The following TNRC6B variants were observed in gnomAD, a reference collection of about 807,000 sequenced individuals.
TNRC6B encodes trinucleotide repeat-containing gene 6B protein.
Under a neutral mutation model 203.6 loss-of-function variants are expected in TNRC6B, and 52 were observed. That is an observed-to-expected ratio of 0.26 (90% confidence interval 0.20 to 0.32). TNRC6B has a LOEUF of 0.32. Ranked by LOEUF, TNRC6B falls within the 10% of genes least tolerant of loss-of-function variation. TNRC6B has a pLI of 1.00. For synonymous variants in TNRC6B, 838 were observed against 845.7 expected (o/e 0.99, Z 0.16); for missense variants, 1,923 against 2,286.2 (o/e 0.84, Z 3.24).
chr22:40,173,169 T>C (rs2069018932), upstream of TNRC6B, among the ~76,000 whole-genome samples: 1 of 152,126 alleles, frequency 6.6e-6, no homozygotes, highest in Admixed American at 6.5e-5. Context: ...TGATCTCCGC[T>C]CACTGCAACC....
chr22:40,094,225 G>A (rs1204956726), intron 1 of TNRC6B, among the ~76,000 whole-genome samples: 1 of 152,084 alleles, frequency 6.6e-6, no homozygotes, highest in Non-Finnish European at 1.5e-5. Flanking sequence ...GTAAATGTTA[G>A]GGATTGCTGT....
chr22:40,269,466 A>G (rs1047872450), intron 5 of TNRC6B, among the ~76,000 whole-genome samples: 6 of 152,094 alleles, frequency 3.9e-5, no homozygotes, highest in African/African-American at 9.7e-5. Context: ...GTGACCCACA[A>G]TTGGTCTAAC....
At chr22:40,264,658 C>G in intron 4 of TNRC6B, 30 bp from the exon 5 acceptor site, 1 of 1,542,362 alleles carries the variant, frequency 6.5e-7, no homozygotes, top group Non-Finnish European at 8.7e-7. Flanking sequence ...GCATTTGAAG[C>G]TGTGATTAAT....
At chr22:40,301,647 G>A (rs756394854) in intron 15 of TNRC6B, among the ~76,000 whole-genome samples, 5 of 152,074 alleles carry the variant, frequency 3.3e-5, no homozygotes, top group Non-Finnish European at 7.4e-5. Flanking sequence ...ACATGCTATA[G>A]CACATATCAG....
chr22:40,135,448 T>C (rs1191780459), intron 3 of TNRC6B, among the ~76,000 whole-genome samples: 1 of 152,136 alleles, frequency 6.6e-6, no homozygotes, highest in Non-Finnish European at 1.5e-5. Context: ...TTAAACAAAT[T>C]TATTTTATTT....
At chr22:40,239,689 G>A (rs1017696134) in intron 1 of TNRC6B, among the ~76,000 whole-genome samples, 1 of 152,172 alleles carries the variant, frequency 6.6e-6, no homozygotes, top group Non-Finnish European at 1.5e-5. Context: ...CATGGTCTCG[G>A]ACCATTGGAG....
intron 5 of TNRC6B, among the ~76,000 whole-genome samples, chr22:40,267,270 C>T (rs2070494959): frequency 6.6e-6 from 1 of 152,070 alleles, no homozygotes; most frequent in Admixed American, 6.6e-5. Flanking sequence ...GTGTTAGTCC[C>T]CAAAATTATT....
In TNRC6B at chr22:40,301,239, G is replaced by A. The variant is rs776396955; in HGVS notation, c.4026G>A (p.Gly1342=). The change falls in exon 15 of 23, where the codon GGG becomes GGA. Residue 1342 remains glycine, a synonymous_variant. Transcript: ENST00000454349. ...AGCACTCGCCCTCTCATCCTGTTGG[G>A]CCCAAGCCGCATCTGGACAACATGG... is the stretch of plus-strand genomic sequence containing the variant. ...GMKHSPSHPV[G]PKPHLDNMVP... 3.8e-6 allele frequency: 6 copies of A among 1,563,402 alleles called. No homozygotes were observed. The highest frequency in any genetic ancestry group is 3.5e-5 in the South Asian group (3 of 85,100).
chr22:40,050,492 G>A (rs1373316812), intron 1 of TNRC6B, among the ~76,000 whole-genome samples: 1 of 152,144 alleles, frequency 6.6e-6, no homozygotes, highest in Non-Finnish European at 1.5e-5. Flanking sequence ...CTTGGCTTGG[G>A]CTGTCCTTGC....
At chr22:40,187,340 C>CT (rs1340759367) in intron 1 of TNRC6B, among the ~76,000 whole-genome samples, 1 of 152,156 alleles carries the variant, frequency 6.6e-6, no homozygotes, top group Non-Finnish European at 1.5e-5. Flanking sequence ...GGTCAAATCT[C>CT]TAATTTTGAA....
intron 1 of TNRC6B, among the ~76,000 whole-genome samples, chr22:40,208,161 G>C (rs2069511813): frequency 6.6e-6 from 1 of 151,662 alleles, no homozygotes; most frequent in Non-Finnish European, 1.5e-5. Flanking sequence ...ACAAGTTTTG[G>C]TGTGGTTATG....
intron 3 of TNRC6B, among the ~76,000 whole-genome samples, chr22:40,256,313 A>G (rs1009740163): frequency 1.3e-5 from 2 of 152,276 alleles, no homozygotes; most frequent in African/African-American, 4.8e-5. Context: ...TGAAATGTGG[A>G]AAGGGTGCAG....
At chr22:40,232,089 A>G (rs2069879447) in intron 1 of TNRC6B, among the ~76,000 whole-genome samples, 1 of 152,176 alleles carries the variant, frequency 6.6e-6, no homozygotes, top group African/African-American at 2.4e-5. Context: ...ATTAATAGAG[A>G]TACATAATTA....
At chr22:40,281,769 A>G (rs1418597095) in intron 11 of TNRC6B, among the ~76,000 whole-genome samples, 3 of 152,180 alleles carry the variant, frequency 2.0e-5, no homozygotes, top group African/African-American at 7.2e-5. Context: ...TATAGTAATT[A>G]CCCGGAGAAG....
rs1301594994 is a variant in TNRC6B, at chr22:40,266,423, G to A, written c.2193G>A (p.Gly731=). Residue 731 remains glycine, a synonymous_variant, in exon 5 of 23, where the codon GGG becomes GGA. Coordinates refer to ENST00000454349, the MANE Select transcript of TNRC6B (RefSeq NM_001162501.2). ...SWNENPSKDQ[G]WGGGRQPNQG... ...ATGAGAATCCCAGCAAGGATCAGGG[G>A]TGGGGAGGTGGACGCCAGCCCAATC... is the stretch of plus-strand genomic sequence containing the variant. 1.2e-6 allele frequency: 2 copies of A among 1,613,952 alleles called. No individual in the cohort carries two copies. The highest frequency in any genetic ancestry group is 1.7e-6 in the Non-Finnish European group (2 of 1,179,880).
At chr22:40,152,939 A>T (rs2068772265) in intron 3 of TNRC6B, among the ~76,000 whole-genome samples, 1 of 151,888 alleles carries the variant, frequency 6.6e-6, no homozygotes, top group African/African-American at 2.4e-5. Flanking sequence ...TGTCTGTACT[A>T]AAAATACAAA....
intron 1 of TNRC6B, among the ~76,000 whole-genome samples, chr22:40,066,983 A>G (rs1374019729): frequency 6.6e-6 from 1 of 150,846 alleles, no homozygotes; most frequent in African/African-American, 2.4e-5. Context: ...ATCTCACTAC[A>G]ACTTCAACCT....
At chr22:40,175,670 G>A (rs180865410), upstream of TNRC6B, among the ~76,000 whole-genome samples, 1 of 152,302 alleles carries the variant, frequency 6.6e-6, no homozygotes, top group African/African-American at 2.4e-5. Context: ...GTATTGGAAG[G>A]ATAAAAATAG....
At chr22:40,183,423 A>T (rs950393161) in intron 1 of TNRC6B, among the ~76,000 whole-genome samples, 1 of 152,086 alleles carries the variant, frequency 6.6e-6, no homozygotes, top group African/African-American at 2.4e-5. Context: ...TTTTCTCTTT[A>T]TTCAAGTCCC....
Sources: gnomAD v4.1 joint callset for allele counts (sites outside exome capture counted in the v4.1 genomes callset) on GRCh38, gnomAD v4.1.1 for gene constraint, MANE v1.5 for transcripts, NCBI Gene and HGNC (gene_info 2026-07-23, HGNC 2026-07-21) for gene names.